The following FANK1 variants were observed in gnomAD, a reference collection of about 807,000 sequenced individuals.
FANK1 encodes the protein fibronectin type 3 and ankyrin repeat domains protein 1.
Under a neutral mutation model 45.3 loss-of-function variants are expected in FANK1, and 44 were observed. That is an observed-to-expected ratio of 0.97 (90% CI 0.76 to 1.25). The LOEUF is 1.25. Ranked by LOEUF, FANK1 falls within the 50% of genes most tolerant of loss-of-function variation. The pLI is 0.00. For synonymous variants in FANK1, 149 were observed against 152.5 expected (o/e 0.98, Z 0.17); for missense variants, 391 against 424.4 (o/e 0.92, Z 0.69).
intron 1 of FANK1, among the ~76,000 whole-genome samples, chr10:125,955,301 C>A (rs545639273): frequency 1.3e-5 from 2 of 151,998 alleles, no homozygotes; most frequent in South Asian, 2.1e-4. Flanking sequence ...GTTGGTCCCC[C>A]CCATGTGACC....
chr10:125,958,635 A>G (rs1949729691), intron 1 of FANK1, among the ~76,000 whole-genome samples: 1 of 152,024 alleles, frequency 6.6e-6, no homozygotes, highest in African/African-American at 2.4e-5. Flanking sequence ...TTTTCTCTAC[A>G]TCCTCACTAG....
intron 2 of FANK1, 29 bp downstream of exon 2, chr10:125,980,367 T>C (rs1951123537): frequency 6.3e-7 from 1 of 1,589,158 alleles, no homozygotes; most frequent in African/African-American, 1.4e-5. Context: ...TGCTTGCCAC[T>C]TTGCCTTACT....
chr10:125,985,106 T>C (rs1012305568), intron 2 of FANK1, among the ~76,000 whole-genome samples: 1 of 152,234 alleles, frequency 6.6e-6, no homozygotes, highest in African/African-American at 2.4e-5. Flanking sequence ...AGTTGCGTTA[T>C]TTCCCTTTCC....
chr10:125,931,935 T>A lies in FANK1; in HGVS notation c.13+35280T>A, dbSNP rs538559962. Reference sequence around the variant, plus strand: ...CATTCTCCCACATGTGCATAACCAATTAGCCCAGCACCATTTGTTGAAAAG... The same window carrying A: ...CATTCTCCCACATGTGCATAACCAAATAGCCCAGCACCATTTGTTGAAAAG... On this transcript the variant is annotated intron_variant, in intron 1 of 10. Transcript: ENST00000368693. Among the ~76,000 whole-genome samples the A allele has an allele frequency of 1.6e-4, 24 of 152,314 alleles. No homozygotes were observed. The South Asian group carries it at 2.1e-3, about 13-fold the overall frequency.
intron 1 of FANK1, among the ~76,000 whole-genome samples, chr10:125,915,173 CACA>C (rs1313719531): frequency 1.3e-5 from 2 of 152,160 alleles, no homozygotes; most frequent in Non-Finnish European, 2.9e-5. Flanking sequence ...TTCCACAGGC[CACA>C]CTTTGAGAAG....
intron 1 of FANK1, among the ~76,000 whole-genome samples, chr10:125,901,947 C>G (rs1363249806): frequency 6.6e-6 from 1 of 152,194 alleles, no homozygotes; most frequent in African/African-American, 2.4e-5. Context: ...TGGCGAAACC[C>G]CGTCTCTACT....
chr10:125,914,004 CCTT>C (rs1167328233), intron 1 of FANK1, among the ~76,000 whole-genome samples: 1 of 152,014 alleles, frequency 6.6e-6, no homozygotes, highest in Non-Finnish European at 1.5e-5. Context: ...GGATGGATCT[CCTT>C]CTCCACCCAG....
intron 1 of FANK1, among the ~76,000 whole-genome samples, chr10:125,911,682 C>T (rs113399218): frequency 6.6e-6 from 1 of 152,314 alleles, no homozygotes. Flanking sequence ...CGCACAGCCT[C>T]CTCAACTCAA....
intron 3 of FANK1, chr10:125,989,344 C>T: frequency 6.4e-7 from 1 of 1,551,226 alleles, no homozygotes; most frequent in Non-Finnish European, 8.7e-7. Flanking sequence ...ACGGCCCACC[C>T]ACTGAAAACA....
chr10:125,984,259 G>A (rs1311624979), intron 2 of FANK1, among the ~76,000 whole-genome samples: 1 of 152,204 alleles, frequency 6.6e-6, no homozygotes, highest in Non-Finnish European at 1.5e-5. Flanking sequence ...CAGCCTCTGC[G>A]TGAACATTGT....
chr10:125,973,402 A>G, intron 1 of FANK1: 1 of 984,862 alleles, frequency 1.0e-6, no homozygotes, highest in East Asian at 1.1e-4. Context: ...TTTGTTCAAC[A>G]CTGATGTCGT....
chr10:125,961,764 A>C (rs1260630860), intron 1 of FANK1, among the ~76,000 whole-genome samples: 1 of 152,128 alleles, frequency 6.6e-6, no homozygotes, highest in Non-Finnish European at 1.5e-5. Flanking sequence ...TAGGCAACAT[A>C]ATGAGACCCT....
chr10:125,930,395 G>C (rs983490679), intron 1 of FANK1, among the ~76,000 whole-genome samples: 1 of 151,966 alleles, frequency 6.6e-6, no homozygotes, highest in African/African-American at 2.4e-5. Context: ...GGAGTGCAGT[G>C]GCATGATCAT....
At chr10:125,908,764 TA>T (rs1453901067) in intron 1 of FANK1, among the ~76,000 whole-genome samples, 11 of 151,760 alleles carry the variant, frequency 7.2e-5, no homozygotes, top group Non-Finnish European at 1.0e-4. Context: ...AAAATAAATT[TA>T]AAAAAAGTAA....
At chr10:125,924,794 G>T (rs1317518198) in intron 1 of FANK1, among the ~76,000 whole-genome samples, 12 of 131,682 alleles carry the variant, frequency 9.1e-5, no homozygotes, top group African/African-American at 3.6e-4. Context: ...GTGACAGAGT[G>T]AGACCCCATC....
At chr10:125,999,100 C>T (rs1260368741) in intron 6 of FANK1, among the ~76,000 whole-genome samples, 9 of 151,924 alleles carry the variant, frequency 5.9e-5, no homozygotes, top group South Asian at 2.1e-4. Context: ...AATTTTTTAA[C>T]GTAACATTTT....
At chr10:125,973,379 G>T (rs1950641108) in intron 1 of FANK1, 1 of 971,598 alleles carries the variant, frequency 1.0e-6, no homozygotes, top group Non-Finnish European at 1.2e-6. Context: ...TTAGTGGGCT[G>T]TGAAAAAAAT....
intron 1 of FANK1, among the ~76,000 whole-genome samples, chr10:125,953,224 C>T (rs1949366820): frequency 6.6e-6 from 1 of 152,166 alleles, no homozygotes; most frequent in Admixed American, 6.5e-5. Context: ...GCTCACTTGT[C>T]TTGGGAGAGG....
intron 1 of FANK1, among the ~76,000 whole-genome samples, chr10:125,946,435 C>G (rs1257271051): frequency 2.6e-5 from 4 of 151,692 alleles, no homozygotes; most frequent in Non-Finnish European, 5.9e-5. Flanking sequence ...AGCTGAAAAC[C>G]AAGGCTCGAG....
Sources: allele counts gnomAD v4.1 joint callset (sites outside exome capture counted in the v4.1 genomes callset), GRCh38; gene constraint gnomAD v4.1.1; transcripts MANE v1.5; gene names NCBI Gene and HGNC (gene_info 2026-07-23, HGNC 2026-07-21).